The following AGBL2 variants were observed in gnomAD, a reference collection of about 807,000 sequenced individuals.
AGBL2 encodes cytosolic carboxypeptidase 2.
AGBL2 carries 87 observed loss-of-function variants against 103.0 expected under a neutral mutation model. The observed-to-expected ratio is 0.84, with a 90% CI of 0.71 to 1.01. The LOEUF is 1.01. Among genes scored for constraint, AGBL2 ranks in the 50% least tolerant of loss-of-function variants. The probability of loss-of-function intolerance (pLI) is 0.00; values close to 1 mark genes in which losing one functional copy is unlikely to be tolerated. For synonymous variants in AGBL2, 335 were observed against 356.7 expected (o/e 0.94, Z 0.69); for missense variants, 904 against 1,023.5 (o/e 0.88, Z 1.59).
At chr11:47,689,117 A>T (rs540693937) in intron 10 of AGBL2, among the ~76,000 whole-genome samples, 2 of 152,160 alleles carry the variant, frequency 1.3e-5, no homozygotes, top group East Asian at 3.9e-4. Context: ...TATAGCCTTC[A>T]ATGCTTTTAT....
Position 47,710,463 on chromosome 11 carries a change from T to C in AGBL2, c.146A>G (p.Lys49Arg). Residue 49 changes from lysine to arginine, a missense_variant, in exon 4 of 19, where the codon AAG (lysine) becomes AGG (arginine). Transcript: ENST00000525123. Reference sequence around the variant, plus strand: ...ATTCAACAGGCATTGAGGGTTATTCTTCCGAACATGCTGATGCGTAGCAGA... The same window carrying C: ...ATTCAACAGGCATTGAGGGTTATTCCTCCGAACATGCTGATGCGTAGCAGA... ...PNSATHQHVRKNNPQCLLNGS... is the reference protein window; with the variant it reads ...PNSATHQHVRRNNPQCLLNGS... The C allele has an allele frequency of 6.2e-7, 1 of 1,614,182 alleles. No individual in the cohort carries two copies. The highest frequency in any genetic ancestry group is 1.7e-5 in the Admixed American group (1 of 60,004).
chr11:47,663,455 T>A (rs2097333056), intron 17 of AGBL2, among the ~76,000 whole-genome samples: 1 of 152,186 alleles, frequency 6.6e-6, no homozygotes, highest in Non-Finnish European at 1.5e-5. Context: ...GGGGCTGAAA[T>A]TTGAACTCAA....
Position 47,666,964 on chromosome 11 carries a change from A to G in AGBL2, c.2440T>C (p.Leu814=). 6.2e-7 allele frequency: 1 copy of G among 1,610,096 alleles called. No homozygotes were observed. The highest frequency in any genetic ancestry group is 8.5e-7 in the Non-Finnish European group (1 of 1,176,898). Residue 814 remains leucine, a synonymous_variant, in exon 17 of 19, where the codon TTA becomes CTA. Transcript: ENST00000525123. ...FLPMKNENPR[L]NETNLNRRDK... ...AAAAACAAAAATACTACCTCATTTA[A>G]CCTTGGGTTTTCATTTTTCATTGGT...
At chr11:47,707,846 T>C (rs1363445183) in intron 4 of AGBL2, among the ~76,000 whole-genome samples, 1 of 152,208 alleles carries the variant, frequency 6.6e-6, no homozygotes, top group African/African-American at 2.4e-5. Flanking sequence ...AATCTTTTCA[T>C]ATGCTTATTG....
At chr11:47,696,556 G>T (rs369448321) in intron 8 of AGBL2, among the ~76,000 whole-genome samples, 1 of 151,990 alleles carries the variant, frequency 6.6e-6, no homozygotes, top group Non-Finnish European at 1.5e-5. Flanking sequence ...GAACTACCAG[G>T]CCCCAGGTGG....
intron 10 of AGBL2, among the ~76,000 whole-genome samples, chr11:47,686,293 G>T (rs2097423298): frequency 6.6e-6 from 1 of 151,960 alleles, no homozygotes; most frequent in Non-Finnish European, 1.5e-5. Flanking sequence ...TTTTGAGACA[G>T]GGTCTTGCCC....
At chr11:47,702,455 C>T (rs2097502773) in intron 7 of AGBL2, among the ~76,000 whole-genome samples, 1 of 152,142 alleles carries the variant, frequency 6.6e-6, no homozygotes, top group South Asian at 2.1e-4. Context: ...AACTTCCCCA[C>T]TAGTTCATGA....
At chr11:47,688,524 G>A (rs142315961) in intron 10 of AGBL2, among the ~76,000 whole-genome samples, 123 of 152,128 alleles carry the variant, frequency 8.1e-4, no homozygotes, top group African/African-American at 2.6e-3. Flanking sequence ...TTCCAAATAT[G>A]TTCACTTTCC....
At chr11:47,691,584 T>G (rs540115439) in intron 9 of AGBL2, among the ~76,000 whole-genome samples, 1 of 148,030 alleles carries the variant, frequency 6.8e-6, no homozygotes, top group Non-Finnish European at 1.5e-5. Flanking sequence ...GGCAGGCGCC[T>G]GTAGTCCTAG....
intron 14 of AGBL2, among the ~76,000 whole-genome samples, chr11:47,673,549 C>T (rs1385996605): frequency 2.0e-5 from 3 of 150,986 alleles, no homozygotes; most frequent in Admixed American, 6.6e-5. Flanking sequence ...CGCTTGAGCC[C>T]GGGAGGTGGA....
rs1405868826 is a variant in AGBL2, at chr11:47,663,127, C to T, written c.2449-15G>A. Reference sequence around the variant, plus strand: ...TTTAAATTTGTCTAAAATAAATGAACATATCCTCACTAAATTTTCCACTTG... The same window carrying T: ...TTTAAATTTGTCTAAAATAAATGAATATATCCTCACTAAATTTTCCACTTG... On this transcript the variant is annotated splice_polypyrimidine_tract_variant and intron_variant, in intron 17 of 18. Transcript: ENST00000525123. The T allele has an allele frequency of 6.5e-7, 1 of 1,531,854 alleles. No individual in the cohort carries two copies. Among genetic ancestry groups the T allele is most frequent in the Non-Finnish European group, 8.9e-7 (1 of 1,128,794 alleles). The allele number at this position is 1,531,854 out of a possible 1,614,324, so 94.9% of individuals were successfully genotyped here. A position where few individuals can be genotyped will look rare whatever the true frequency, so the allele number is the denominator to read the frequency against.
intron 9 of AGBL2, among the ~76,000 whole-genome samples, chr11:47,691,729 A>AAAATATATAT: frequency 8.2e-4 from 4 of 4,858 alleles, no homozygotes; most frequent in African/African-American, 2.2e-3. Flanking sequence ...AAAAAAAAAA[A>AAAATATATAT]ATATATATAT....
At position 47,714,880 on chromosome 11, in the gene AGBL2, G is replaced by T. The variant is rs560619198; in HGVS notation, c.-100-130C>A. 6.4e-5 allele frequency: 36 copies of T among 560,422 alleles called. No individual in the cohort carries two copies. The South Asian group carries it at 6.8e-4, about 11-fold the overall frequency. The allele number at this position is 560,422 out of a possible 1,614,324, so 34.7% of individuals were successfully genotyped here. On this transcript the variant is annotated intron_variant, in intron 1 of 18. Coordinates refer to ENST00000525123, the MANE Select transcript of AGBL2 (RefSeq NM_024783.4). ...AGCTAAACAAGGTGGTCACGCCGAG[G>T]CCAGAGGTGCATCTGAGACAGGGAG...
chr11:47,692,062 A>G (rs1439502031), intron 9 of AGBL2, 41 bp downstream of exon 9: 4 of 1,563,618 alleles, frequency 2.6e-6, no homozygotes, highest in African/African-American at 1.4e-5. Context: ...GACACCTTCT[A>G]GTCACTCCAA....
intron 4 of AGBL2, among the ~76,000 whole-genome samples, chr11:47,707,024 T>TAAAA (rs61459888): frequency 9.0e-6 from 1 of 111,646 alleles, no homozygotes; most frequent in Admixed American, 9.6e-5. Flanking sequence ...CTGTCTCTAC[T>TAAAA]AAAAAAAAAA....
chr11:47,679,274 G>A (rs1378391140), intron 13 of AGBL2, among the ~76,000 whole-genome samples: 1 of 151,658 alleles, frequency 6.6e-6, no homozygotes, highest in Non-Finnish European at 1.5e-5. Context: ...AATTAGCTGT[G>A]TGTGGTGGTG....
chr11:47,660,346 T>G lies in AGBL2; in HGVS notation c.2536A>C (p.Asn846His), dbSNP rs576819206. 2.5e-6 allele frequency: 4 copies of G among 1,607,736 alleles called. No homozygotes were observed. In the African/African-American group the frequency reaches 4.0e-5, roughly 16 times the overall value. The change falls in exon 19 of 19, where the codon AAT (asparagine) becomes CAT (histidine). Residue 846 changes from asparagine (N) to histidine (H), a missense_variant and splice_region_variant. Transcript: ENST00000525123. ...GATACTGTAAAGCCTGGCTTCTTAT[T>G]CTGTGCAAATAAGATTTTAAAAAGT... is the stretch of plus-strand genomic sequence containing the variant. Reference protein sequence around the residue: ...ILPKNKGRMQNKKPGFTVSCS... With the variant: ...ILPKNKGRMQHKKPGFTVSCS...
intron 3 of AGBL2, among the ~76,000 whole-genome samples, chr11:47,712,423 A>G (rs1599125680): frequency 6.6e-6 from 1 of 152,234 alleles, no homozygotes; most frequent in East Asian, 1.9e-4. Flanking sequence ...AAGAAGATCA[A>G]TATTTATAAT....
At position 47,705,538 on chromosome 11, in the gene AGBL2, C is replaced by G. The variant is rs140314462; in HGVS notation, c.383G>C (p.Arg128Pro). Reference protein sequence around the residue: ...RFKDSPASAFRVAGITDSHML... With the variant: ...RFKDSPASAFPVAGITDSHML... Reference sequence around the variant, plus strand: ...GCACATGCCTGTAATCCCAGCTACTCGGAAAGCTGAGGCAGGAGAATCCTT... The same window carrying G: ...GCACATGCCTGTAATCCCAGCTACTGGGAAAGCTGAGGCAGGAGAATCCTT... Residue 128 changes from arginine to proline, a missense_variant, in exon 6 of 19, where the codon CGA (arginine) becomes CCA (proline). Coordinates refer to ENST00000525123, the MANE Select transcript of AGBL2 (RefSeq NM_024783.4). The G allele has an allele frequency of 2.1e-4, 79 of 383,378 alleles. No homozygotes were observed. Among genetic ancestry groups the G allele is most frequent in the African/African-American group, 1.4e-3 (68 of 47,564 alleles). 23.7% of individuals were successfully genotyped at this position (383,378 alleles called of 1,614,324 possible). A position where few individuals can be genotyped will look rare whatever the true frequency, so the allele number is the denominator to read the frequency against.
Sources: gnomAD v4.1 joint callset for allele counts (sites outside exome capture counted in the v4.1 genomes callset) on GRCh38, gnomAD v4.1.1 for gene constraint, MANE v1.5 for transcripts, NCBI Gene and HGNC (gene_info 2026-07-23, HGNC 2026-07-21) for gene names.